Variants in AIDA observed in about 807,000 individuals in gnomAD.
The protein encoded by AIDA is axin interactor, dorsalization-associated protein.
A neutral mutation model predicts 42.7 loss-of-function variants in AIDA; 18 were observed. That is an observed-to-expected ratio of 0.42 (90% CI 0.29 to 0.63). The LOEUF is 0.63. Among genes scored for constraint, AIDA ranks in the 20% least tolerant of loss-of-function variants. The probability of loss-of-function intolerance (pLI) is 0.19; values close to 1 mark genes in which losing one functional copy is unlikely to be tolerated. For missense variants in AIDA, 250 were observed against 354.1 expected (o/e 0.71, Z 2.36); for synonymous variants, 104 against 122.9 (o/e 0.85, Z 1.02).
At chr1:222,688,426 C>T (rs926903713) in intron 4 of AIDA, among the ~76,000 whole-genome samples, 6 of 151,920 alleles carry the variant, frequency 3.9e-5, no homozygotes, top group African/African-American at 1.5e-4. Flanking sequence ...TTTCAGTCAG[C>T]GACAGACCAC....
chr1:222,688,059 TA>T (rs1419960400), intron 4 of AIDA, among the ~76,000 whole-genome samples: 2 of 151,890 alleles, frequency 1.3e-5, no homozygotes, highest in African/African-American at 4.8e-5. Flanking sequence ...CTCTACAAAA[TA>T]AAAATAAAAA....
At chr1:222,698,336 ACT>A (rs376315634) in intron 2 of AIDA, among the ~76,000 whole-genome samples, 3 of 152,120 alleles carry the variant, frequency 2.0e-5, no homozygotes, top group African/African-American at 7.2e-5. Flanking sequence ...AATATAAGTT[ACT>A]CTCTCAAAAA....
chr1:222,674,520 A>G (rs1664511954), intron 7 of AIDA, among the ~76,000 whole-genome samples: 1 of 152,334 alleles, frequency 6.6e-6, no homozygotes, highest in East Asian at 1.9e-4. Flanking sequence ...TAACATTATC[A>G]GAATCCCCCT....
chr1:222,684,788 T>C (rs998963381), intron 6 of AIDA, among the ~76,000 whole-genome samples: 3 of 152,186 alleles, frequency 2.0e-5, no homozygotes, highest in African/African-American at 7.2e-5. Flanking sequence ...ATGGTAGAAG[T>C]TCCTTTTCAA....
At chr1:222,682,872 A>C (rs746192650) in intron 6 of AIDA, among the ~76,000 whole-genome samples, 6 of 152,230 alleles carry the variant, frequency 3.9e-5, no homozygotes, top group Non-Finnish European at 8.8e-5. Context: ...ATGTGTCTTG[A>C]AAATCTGGCA....
chr1:222,701,965 C>T (rs1655720596), intron 2 of AIDA, among the ~76,000 whole-genome samples: 1 of 151,868 alleles, frequency 6.6e-6, no homozygotes, highest in South Asian at 2.1e-4. Flanking sequence ...CTCAAGTGAT[C>T]TGCCCACCTC....
rs1664418956 is a variant in AIDA, at chr1:222,670,116, A to G, written c.824+17T>C. On this transcript the variant is annotated intron_variant, in intron 9 of 9. Transcript: ENST00000340020. ...TCACCATCAAATTAGTACTAATTCT[A>G]TATGCACATCACTTACAGTTCTATT... 2 of 1,611,400 alleles carry G rather than the reference A, an allele frequency of 1.2e-6. No homozygotes were observed. Among genetic ancestry groups the G allele is most frequent in the Non-Finnish European group, 1.7e-6 (2 of 1,177,694 alleles).
At chr1:222,700,961 T>G (rs1655674167) in intron 2 of AIDA, among the ~76,000 whole-genome samples, 1 of 84,284 alleles carries the variant, frequency 1.2e-5, no homozygotes, top group African/African-American at 5.6e-5. Context: ...ACTCATTTCT[T>G]GATTTTTTTT....
intron 4 of AIDA, among the ~76,000 whole-genome samples, chr1:222,689,192 C>CT (rs1339410472): frequency 6.6e-6 from 1 of 151,484 alleles, no homozygotes; most frequent in Non-Finnish European, 1.5e-5. Context: ...AATCCCAGCA[C>CT]TTTGGGAGGC....
chr1:222,686,525 G>A (rs1655191116), intron 6 of AIDA, among the ~76,000 whole-genome samples: 1 of 152,174 alleles, frequency 6.6e-6, no homozygotes, highest in African/African-American at 2.4e-5. Flanking sequence ...ACAACTTGTT[G>A]AATGGGAAAT....
In AIDA at chr1:222,676,170, G is replaced by A. The variant is rs1664539489; in HGVS notation, c.509C>T (p.Thr170Ile). The change falls in exon 7 of 10, where the codon ACT (threonine) becomes ATT (isoleucine). Residue 170 changes from threonine to isoleucine, a missense_variant. Physicochemically the swap from Thr to Ile is moderately conservative, Grantham distance 89 (BLOSUM62 -1). Transcript: ENST00000340020. ...CAAACCAATTTTCTCAATTCTGATA[G>A]TGAGTAATGTCATTCCTGGTTCCGA... is the stretch of plus-strand genomic sequence containing the variant. ...LPSEPGMTLL[T>I]IRIEKIGLKD... 3 of 1,613,076 alleles carry A rather than the reference G, an allele frequency of 1.9e-6. No homozygotes were observed. The highest frequency in any genetic ancestry group is 2.5e-6 in the Non-Finnish European group (3 of 1,179,590).
intron 6 of AIDA, among the ~76,000 whole-genome samples, chr1:222,683,045 CATGGGT>C (rs1558209666): frequency 1.3e-5 from 2 of 152,118 alleles, no homozygotes; most frequent in African/African-American, 4.8e-5. Context: ...AGTTGAGGAA[CATGGGT>C]TCCTCAAGCT....
chr1:222,679,610 G>A (rs971083568), intron 6 of AIDA, among the ~76,000 whole-genome samples: 1 of 152,166 alleles, frequency 6.6e-6, no homozygotes, highest in Admixed American at 6.5e-5. Context: ...CCTATAACAA[G>A]GTGTCCCATT....
chr1:222,681,314 C>T (rs1326097767), intron 6 of AIDA, among the ~76,000 whole-genome samples: 1 of 152,164 alleles, frequency 6.6e-6, no homozygotes, highest in Non-Finnish European at 1.5e-5. Context: ...AAAACTGGTT[C>T]TAGGTATCAG....
At position 222,676,096 on chromosome 1, in the gene AIDA, C is replaced by G; in HGVS notation, c.583G>C (p.Asp195His). The change falls in exon 7 of 10, where the codon GAT (aspartate) becomes CAT (histidine). Residue 195 changes from aspartate to histidine, a missense_variant and splice_region_variant. By Grantham distance (81) the Asp-to-His change is moderately conservative. Coordinates refer to ENST00000340020, the MANE Select transcript of AIDA (RefSeq NM_022831.4). ...AAAAAAAGTAAACAGAGTCACTTAC[C>G]CTTTACACTAACTGTAATATAGGGA... ...IDPYITVSVK[D>H]LNGIDLTPVQ... 6.3e-7 allele frequency: 1 copy of G among 1,581,142 alleles called. No individual in the cohort carries two copies. The highest frequency in any genetic ancestry group is 8.6e-7 in the Non-Finnish European group (1 of 1,166,736).
chr1:222,676,261 C>T, intron 6 of AIDA, 43 bp from the exon 7 acceptor site: 1 of 1,567,508 alleles, frequency 6.4e-7, no homozygotes, highest in Non-Finnish European at 8.6e-7. Flanking sequence ...TATCATTTCA[C>T]AGTAAACATT....
intron 9 of AIDA, 66 bp downstream of exon 9, chr1:222,670,067 G>C: frequency 6.2e-7 from 1 of 1,606,490 alleles, no homozygotes; most frequent in Non-Finnish European, 8.5e-7. Context: ...TGGATATGGG[G>C]GATTCAGAAG....
At chr1:222,686,121 A>G (rs1655172096) in intron 6 of AIDA, among the ~76,000 whole-genome samples, 1 of 152,232 alleles carries the variant, frequency 6.6e-6, no homozygotes, top group African/African-American at 2.4e-5. Flanking sequence ...AGATGGTGCC[A>G]CTGCACTCCA....
At chr1:222,698,812 C>T (rs534803232) in intron 2 of AIDA, among the ~76,000 whole-genome samples, 1 of 152,020 alleles carries the variant, frequency 6.6e-6, no homozygotes, top group South Asian at 2.1e-4. Flanking sequence ...AAAGAAAGCA[C>T]TTTAAAAATA....
Sources: gnomAD v4.1 joint callset for allele counts (sites outside exome capture counted in the v4.1 genomes callset) on GRCh38, gnomAD v4.1.1 for gene constraint, MANE v1.5 for transcripts, NCBI Gene and HGNC (gene_info 2026-07-23, HGNC 2026-07-21) for gene names.